Variants in GRIN2B observed in about 807,000 individuals in gnomAD.
The protein encoded by GRIN2B is glutamate receptor ionotropic, NMDA 2B.
GRIN2B carries 5 observed loss-of-function variants against 114.5 expected under a neutral mutation model. That is an observed-to-expected ratio of 0.04 (90% CI 0.02 to 0.09). The LOEUF is 0.09. Ranked by LOEUF, GRIN2B falls within the 10% of genes least tolerant of loss-of-function variation. GRIN2B has a pLI of 1.00. For synonymous variants in GRIN2B, 787 were observed against 745.1 expected (o/e 1.06, Z -0.92); for missense variants, 1,108 against 1,943.5 (o/e 0.57, Z 8.08).
chr12:13,889,750 C>T lies in GRIN2B; in HGVS notation c.-18-23524G>A, dbSNP rs528574828. On this transcript the variant is annotated intron_variant, in intron 2 of 13. Transcript: ENST00000609686. ...TGGAATGGCAGCAAGGATGGATTTT[C>T]GCACTGGCAAAATTGGCATACACCT... is the stretch of plus-strand genomic sequence containing the variant. 4.6e-5 allele frequency among the ~76,000 whole-genome samples: 7 copies of T among 152,284 alleles called. No individual in the cohort carries two copies. The East Asian group carries it at 1.2e-3, about 25-fold the overall frequency.
chr12:13,667,733 T>C (rs558462839), intron 5 of GRIN2B, among the ~76,000 whole-genome samples: 12 of 152,334 alleles, frequency 7.9e-5, no homozygotes, highest in African/African-American at 2.9e-4. Context: ...AAGATGCCAA[T>C]TCTGTTGTAT....
intron 5 of GRIN2B, among the ~76,000 whole-genome samples, chr12:13,639,076 G>A (rs1416992709): frequency 6.6e-6 from 1 of 152,138 alleles, no homozygotes; most frequent in Non-Finnish European, 1.5e-5. Flanking sequence ...TCACTGAGGA[G>A]GGAGAAAAGT....
At chr12:13,886,983 G>A (rs185387714) in intron 2 of GRIN2B, among the ~76,000 whole-genome samples, 38 of 152,258 alleles carry the variant, frequency 2.5e-4, no homozygotes, top group Non-Finnish European at 5.1e-4. Flanking sequence ...ATAAACTGAA[G>A]TACAGAAAAT....
intron 2 of GRIN2B, among the ~76,000 whole-genome samples, chr12:13,926,915 T>C (rs1250153084): frequency 2.7e-5 from 4 of 148,218 alleles, no homozygotes; most frequent in Non-Finnish European, 5.9e-5. Flanking sequence ...ATCACACCAC[T>C]GCACTCCAGC....
intron 3 of GRIN2B, among the ~76,000 whole-genome samples, chr12:13,797,560 A>G (rs1864438449): frequency 2.6e-5 from 4 of 152,056 alleles, no homozygotes; most frequent in Admixed American, 1.3e-4. Flanking sequence ...CTGCTTTGCC[A>G]TTTTCAAAAA....
chr12:13,623,238 C>T (rs1949534900), intron 5 of GRIN2B, among the ~76,000 whole-genome samples: 1 of 152,120 alleles, frequency 6.6e-6, no homozygotes, highest in Non-Finnish European at 1.5e-5. Context: ...AAGCATAGCC[C>T]TATTGATATT....
At position 13,615,323 on chromosome 12, in the gene GRIN2B, A is replaced by G; in HGVS notation, c.1501-56T>C. ...ACATTCAGGAGGGCAAGGGACCACCACAAGGAAAATACAGCCTATCAGTGG... is the reference window on the plus strand; with the variant it reads ...ACATTCAGGAGGGCAAGGGACCACCGCAAGGAAAATACAGCCTATCAGTGG... On this transcript the variant is annotated intron_variant, in intron 7 of 13. Coordinates refer to ENST00000609686, the MANE Select transcript of GRIN2B (RefSeq NM_000834.5). The surrounding 1 kb of genome is among the most constrained non-coding windows in gnomAD (Gnocchi z 5.8). The G allele has an allele frequency of 6.4e-7, 1 of 1,571,892 alleles. No homozygotes were observed. The highest frequency in any genetic ancestry group is 8.8e-7 in the Non-Finnish European group (1 of 1,141,832).
intron 2 of GRIN2B, among the ~76,000 whole-genome samples, chr12:13,917,417 G>A (rs528053402): frequency 2.0e-4 from 30 of 152,256 alleles, no homozygotes; most frequent in South Asian, 1.2e-3. Context: ...TGGGTGGGCC[G>A]GCTGTATTGC....
chr12:13,869,486 C>A (rs552152884), intron 2 of GRIN2B, among the ~76,000 whole-genome samples: 2 of 151,970 alleles, frequency 1.3e-5, no homozygotes, highest in East Asian at 3.9e-4. Flanking sequence ...CCATTTTTGA[C>A]CTGCTAGTCA....
intron 4 of GRIN2B, among the ~76,000 whole-genome samples, chr12:13,732,535 C>A (rs1331419212): frequency 2.0e-5 from 3 of 152,212 alleles, no homozygotes; most frequent in Non-Finnish European, 4.4e-5. Context: ...CTTCAGCCGA[C>A]CTAGACAATA....
At chr12:13,794,659 A>T (rs1864385651) in intron 3 of GRIN2B, among the ~76,000 whole-genome samples, 1 of 152,250 alleles carries the variant, frequency 6.6e-6, no homozygotes, top group South Asian at 2.1e-4. Flanking sequence ...TCAATTGAGT[A>T]ATCAGAAGAA....
rs1023672443 is a variant in GRIN2B at position 13,551,253 on chromosome 12, C to G, written c.*11530G>C. The G allele has an allele frequency of 1.3e-5, 2 of 152,102 alleles. No individual in the cohort carries two copies. The highest frequency in any genetic ancestry group is 2.4e-5 in the African/African-American group (1 of 41,424). 9.4% of individuals were successfully genotyped at this position (152,102 alleles called of 1,614,324 possible). On this transcript the variant is annotated 3_prime_UTR_variant, in exon 14 of 14. Coordinates refer to ENST00000609686, the MANE Select transcript of GRIN2B (RefSeq NM_000834.5). Reference sequence around the variant, plus strand: ...CCATTGAGAACAGACCTCTCCACCTCTGCTCATGATGTTTCCAAGAAGAGA... The same window carrying G: ...CCATTGAGAACAGACCTCTCCACCTGTGCTCATGATGTTTCCAAGAAGAGA...
chr12:13,700,509 G>A (rs1950301889), intron 4 of GRIN2B, among the ~76,000 whole-genome samples: 1 of 152,136 alleles, frequency 6.6e-6, no homozygotes, highest in Non-Finnish European at 1.5e-5. Context: ...CTTTGACCAA[G>A]AGAATACAGC....
At position 13,595,428 on chromosome 12, in the gene GRIN2B, G is replaced by A. The variant is rs556489807; in HGVS notation, c.2010+13175C>T. ...CTGAAAAATGTACTTATGGTTGTCA[G>A]ACCACAGGGATATTTAAGAAATCAA... On this transcript the variant is annotated intron_variant, in intron 10 of 13. Transcript: ENST00000609686. Among the ~76,000 whole-genome samples the A allele has an allele frequency of 5.9e-5, 9 of 152,262 alleles. No individual in the cohort carries two copies. In the South Asian group the frequency reaches 1.9e-3, roughly 32 times the overall value.
At chr12:13,681,362 C>T (rs188715205) in intron 4 of GRIN2B, among the ~76,000 whole-genome samples, 7 of 152,218 alleles carry the variant, frequency 4.6e-5, no homozygotes, top group South Asian at 2.1e-4. Context: ...ACCCCTAGTC[C>T]GGTGTTCTTT....
chr12:13,793,608 C>A (rs1409797025), intron 3 of GRIN2B, among the ~76,000 whole-genome samples: 1 of 152,130 alleles, frequency 6.6e-6, no homozygotes, highest in Non-Finnish European at 1.5e-5. Flanking sequence ...GCCTATGATT[C>A]CTAATTCGAA....
In GRIN2B at chr12:13,562,753, G is replaced by A. The variant is rs759518484; in HGVS notation, c.*30C>T. The A allele has an allele frequency of 3.1e-6, 5 of 1,590,354 alleles. No individual in the cohort carries two copies. Among genetic ancestry groups the A allele is most frequent in the South Asian group, 1.1e-5 (1 of 90,594 alleles). ...ACGCGACCCACAGCCTTACCCTCCC[G>A]TACCCACCTTAACCTCTCTGTTCCC... On this transcript the variant is annotated 3_prime_UTR_variant, in exon 14 of 14. Transcript: ENST00000609686.
At chr12:13,820,747 A>C (rs1346524959) in intron 3 of GRIN2B, among the ~76,000 whole-genome samples, 2 of 152,124 alleles carry the variant, frequency 1.3e-5, no homozygotes, top group African/African-American at 2.4e-5. Flanking sequence ...TCTTTTAACT[A>C]TCTGAAAGGA....
intron 3 of GRIN2B, among the ~76,000 whole-genome samples, chr12:13,760,460 G>A (rs117961578): frequency 9.2e-4 from 140 of 152,266 alleles, no homozygotes; most frequent in Non-Finnish European, 1.5e-3. Flanking sequence ...TCTTAGTACT[G>A]TATAATATCA....
Sources: allele counts gnomAD v4.1 joint callset (sites outside exome capture counted in the v4.1 genomes callset), GRCh38; gene constraint gnomAD v4.1.1; non-coding constraint Gnocchi (gnomAD v3.1); transcripts MANE v1.5; gene names NCBI Gene and HGNC (gene_info 2026-07-23, HGNC 2026-07-21).